Variants in BDNF observed in about 807,000 individuals in gnomAD.
The protein encoded by BDNF is neurotrophic factor BDNF precursor form.
Under a neutral mutation model 19.5 loss-of-function variants are expected in BDNF, and 1 was observed. That is an observed-to-expected ratio of 0.05 (90% CI 0.02 to 0.24). The LOEUF (loss-of-function observed/expected upper bound fraction) is 0.24, where lower values mean the gene tolerates loss of function less well. BDNF is among the 10% of genes least tolerant of loss of function. BDNF has a pLI of 1.00. For synonymous variants in BDNF, 100 were observed against 121.6 expected (o/e 0.82, Z 1.17); for missense variants, 195 against 317.6 (o/e 0.61, Z 2.93).
At chr11:27,668,047 A>G (rs1407684593) in intron 1 of BDNF, among the ~76,000 whole-genome samples, 4 of 152,238 alleles carry the variant, frequency 2.6e-5, no homozygotes, top group Non-Finnish European at 2.9e-5. Flanking sequence ...ATGTAAAAGA[A>G]CAGAAATTAT....
chr11:27,691,314 A>G (rs954653402), intron 1 of BDNF, among the ~76,000 whole-genome samples: 2 of 152,202 alleles, frequency 1.3e-5, no homozygotes, highest in Non-Finnish European at 2.9e-5. Context: ...ATGGAGAGCC[A>G]TATCAAGGAG....
chr11:27,689,179 T>C (rs1484397146), intron 1 of BDNF, among the ~76,000 whole-genome samples: 1 of 152,174 alleles, frequency 6.6e-6, no homozygotes, highest in Non-Finnish European at 1.5e-5. Flanking sequence ...GGGCAAGATA[T>C]GGTTTCTTAC....
At chr11:27,672,910 A>G (rs1414115002) in intron 1 of BDNF, among the ~76,000 whole-genome samples, 1 of 152,170 alleles carries the variant, frequency 6.6e-6, no homozygotes, top group East Asian at 1.9e-4. Context: ...CTTTTTACGA[A>G]AGACTGCAAA....
At chr11:27,708,967 T>G (rs911460989) in intron 1 of BDNF, among the ~76,000 whole-genome samples, 3 of 151,954 alleles carry the variant, frequency 2.0e-5, no homozygotes, top group Non-Finnish European at 4.4e-5. Context: ...TAGCTGGGAT[T>G]ACAGGCATGC....
At chr11:27,674,683 A>G in intron 1 of BDNF, 2 of 985,446 alleles carry the variant, frequency 2.0e-6, no homozygotes, top group Non-Finnish European at 2.4e-6. Flanking sequence ...CGGTACTGTG[A>G]ACAACAGGAC....
chr11:27,703,581 C>T (rs1423313337), upstream of BDNF, among the ~76,000 whole-genome samples: 2 of 152,202 alleles, frequency 1.3e-5, no homozygotes, highest in Non-Finnish European at 2.9e-5. Flanking sequence ...AAAGTGTTCT[C>T]ATTTCCCAGA....
chr11:27,685,971 G>A (rs377404016), intron 1 of BDNF, among the ~76,000 whole-genome samples: 6 of 151,948 alleles, frequency 3.9e-5, no homozygotes, highest in South Asian at 2.1e-4. Context: ...TTTCTGTCTC[G>A]TTGACCTAAT....
chr11:27,701,071 G>C (rs763462935), upstream of BDNF: 1 of 1,340,478 alleles, frequency 7.5e-7, no homozygotes, highest in Middle Eastern at 2.1e-4. Context: ...CCTTAAACAC[G>C]CCGGCTTAAA....
intron 1 of BDNF, among the ~76,000 whole-genome samples, chr11:27,708,825 C>CTTTTT (rs67977614): frequency 1.1e-4 from 12 of 112,440 alleles, no homozygotes; most frequent in African/African-American, 1.7e-4. Context: ...TAGAATTCCT[C>CTTTTT]TTTTTTTTTT....
intron 1 of BDNF, chr11:27,720,597 T>G: frequency 2.0e-6 from 2 of 985,568 alleles, no homozygotes; most frequent in Non-Finnish European, 2.4e-6. Context: ...AAGACGCTTT[T>G]TAAGGGCGAC....
At chr11:27,714,115 A>G (rs1312971784) in intron 1 of BDNF, among the ~76,000 whole-genome samples, 1 of 152,184 alleles carries the variant, frequency 6.6e-6, no homozygotes, top group African/African-American at 2.4e-5. Context: ...TGGCTGTGCC[A>G]ATTGTTTTTG....
At chr11:27,696,693 A>C (rs1859038118) in intron 1 of BDNF, among the ~76,000 whole-genome samples, 1 of 152,218 alleles carries the variant, frequency 6.6e-6, no homozygotes, top group Non-Finnish European at 1.5e-5. Context: ...AATTGTTTGA[A>C]AACAAGTTGA....
At chr11:27,699,791 A>G in intron 1 of BDNF, 1 of 1,027,548 alleles carries the variant, frequency 9.7e-7, no homozygotes, top group Non-Finnish European at 1.3e-6. Flanking sequence ...CCCTCCCCTC[A>G]GTCAGGACCC....
chr11:27,716,192 AT>A (rs1358912755), intron 1 of BDNF, among the ~76,000 whole-genome samples: 2 of 152,176 alleles, frequency 1.3e-5, no homozygotes, highest in East Asian at 3.8e-4. Flanking sequence ...AAGATGTCAT[AT>A]TTTTGAAATT....
chr11:27,674,229 G>A (rs1205815689), intron 1 of BDNF: 3 of 1,594,906 alleles, frequency 1.9e-6, no homozygotes, highest in East Asian at 2.3e-5. Context: ...AGCATTCTGA[G>A]TAGTAACAAG....
intron 1 of BDNF, among the ~76,000 whole-genome samples, chr11:27,670,562 G>GA (rs1354738639): frequency 2.6e-5 from 4 of 152,212 alleles, no homozygotes; most frequent in East Asian, 3.9e-4. Context: ...AAATTTACAA[G>GA]AAAAAATCAA....
At chr11:27,704,565 C>T (rs1452431891), upstream of BDNF, among the ~76,000 whole-genome samples, 1 of 152,060 alleles carries the variant, frequency 6.6e-6, no homozygotes, top group Admixed American at 6.5e-5. Flanking sequence ...AATAAGTTGT[C>T]TAGTCTAGCA....
At chr11:27,692,054 T>C (rs1203973923) in intron 1 of BDNF, among the ~76,000 whole-genome samples, 2 of 152,160 alleles carry the variant, frequency 1.3e-5, no homozygotes, top group Non-Finnish European at 2.9e-5. Flanking sequence ...ATTTTGAGAA[T>C]CTGTATACAA....
At position 27,721,425 on chromosome 11, in the gene BDNF, C is replaced by A. The variant is rs779944223; in HGVS notation, c.-11G>T. ...ATTGCTACTCACCATTGTGCCTTTG[C>A]TGTCCTGGAGACTCAAGTGTCTTAA... is the stretch of plus-strand genomic sequence containing the variant. On this transcript the variant is annotated 5_prime_UTR_variant, in exon 1 of 2. Coordinates refer to the BDNF transcript ENST00000314915. 4 of 1,614,080 alleles carry A rather than the reference C, an allele frequency of 2.5e-6. No individual in the cohort carries two copies. The East Asian group carries it at 8.9e-5, about 36-fold the overall frequency.
Sources: gnomAD v4.1 joint callset for allele counts (sites outside exome capture counted in the v4.1 genomes callset) on GRCh38, gnomAD v4.1.1 for gene constraint, MANE v1.5 for transcripts, NCBI Gene and HGNC (gene_info 2026-07-23, HGNC 2026-07-21) for gene names.